BCL6: variants seen among roughly 807,000 people sequenced by gnomAD.
The protein encoded by BCL6 is BCL6 transcription repressor.
In BCL6, 7 loss-of-function variants were observed where a neutral mutation model predicts 59.5. The observed-to-expected ratio is 0.12, with a 90% confidence interval of 0.07 to 0.22. The LOEUF (loss-of-function observed/expected upper bound fraction) is 0.22. BCL6 is among the 10% of genes least tolerant of loss of function. The probability of loss-of-function intolerance (pLI) is 1.00; values close to 1 mark genes in which losing one functional copy is unlikely to be tolerated. For missense variants in BCL6, 685 were observed against 939.4 expected (o/e 0.73, Z 3.54); for synonymous variants, 339 against 349.7 (o/e 0.97, Z 0.34).
rs887351118 is a variant in BCL6, at chr3:187,725,363, G to A, written c.1839+136C>T. The A allele has an allele frequency of 1.5e-4, 219 of 1,493,458 alleles. No individual in the cohort carries two copies. The highest frequency in any genetic ancestry group is 2.7e-4 in the Admixed American group (13 of 48,626). The allele number at this position is 1,493,458 out of a possible 1,614,324, so 92.5% of individuals were successfully genotyped here. A position where few individuals can be genotyped will look rare whatever the true frequency, so the allele number is the denominator to read the frequency against. Reference sequence around the variant, plus strand: ...GACTGAGTGGGACTTTCTCCTGCCCGCTCTGCTCACCTGCCCGCTCCGCTT... The same window carrying A: ...GACTGAGTGGGACTTTCTCCTGCCCACTCTGCTCACCTGCCCGCTCCGCTT... On this transcript the variant is annotated intron_variant, in intron 8 of 9. Transcript: ENST00000406870. The surrounding 1 kb of genome is among the most constrained non-coding windows in gnomAD (Gnocchi z 4.7).
intron 1 of BCL6, among the ~76,000 whole-genome samples, chr3:187,742,908 T>G (rs992465698): frequency 6.6e-6 from 1 of 152,198 alleles, no homozygotes; most frequent in Non-Finnish European, 1.5e-5. Context: ...TAGGGCCAGA[T>G]GAACTTCAAC....
intron 4 of BCL6, 128 bp downstream of exon 4, chr3:187,731,581 C>T: frequency 1.1e-6 from 1 of 907,828 alleles, no homozygotes; most frequent in South Asian, 1.6e-5. Flanking sequence ...AAGTGTGCAA[C>T]AAGAGTGGAA....
At chr3:187,742,144 T>C (rs944291590) in intron 1 of BCL6, among the ~76,000 whole-genome samples, 11 of 152,234 alleles carry the variant, frequency 7.2e-5, no homozygotes, top group African/African-American at 2.7e-4. Context: ...ATAAGTTCAC[T>C]TCCCAATATT....
chr3:187,744,096 G>A (rs1711747706), intron 1 of BCL6, among the ~76,000 whole-genome samples: 1 of 152,094 alleles, frequency 6.6e-6, no homozygotes, highest in African/African-American at 2.4e-5. Flanking sequence ...CAGGCCCGCA[G>A]TTCCCTTTTT....
chr3:187,722,270 G>T lies in BCL6; in HGVS notation c.*188C>A. ...TTTCTTAATGTTTTATGGCAGTGGG[G>T]GAGGGGGAGCTGCTGCGGCTCCCAG... On this transcript the variant is annotated 3_prime_UTR_variant, in exon 10 of 10. Coordinates refer to ENST00000406870, the MANE Select transcript of BCL6 (RefSeq NM_001706.5). 1 of 580,222 alleles carries T rather than the reference G, an allele frequency of 1.7e-6. No homozygotes were observed. Among genetic ancestry groups the T allele is most frequent in the Non-Finnish European group, 2.8e-6 (1 of 360,566 alleles). The allele number at this position is 580,222 out of a possible 1,614,324, so 35.9% of individuals were successfully genotyped here.
Position 187,722,339 on chromosome 3 carries a change from A to C in BCL6, c.*119T>G. 2.3e-5 allele frequency: 6 copies of C among 258,560 alleles called. No individual in the cohort carries two copies. Among genetic ancestry groups the C allele is most frequent in the Non-Finnish European group, 3.0e-5 (5 of 168,212 alleles). 16.0% of individuals were successfully genotyped at this position (258,560 alleles called of 1,614,324 possible). On this transcript the variant is annotated 3_prime_UTR_variant, in exon 10 of 10. Transcript: ENST00000406870. ...CCACCACCCCCAACCCCCAGCTATGATTTGCACTAGTGGATGAAAGAGGCA... is the reference window on the plus strand; with the variant it reads ...CCACCACCCCCAACCCCCAGCTATGCTTTGCACTAGTGGATGAAAGAGGCA...
chr3:187,726,580 A>T, intron 7 of BCL6, 151 bp downstream of exon 7: 1 of 1,064,682 alleles, frequency 9.4e-7, no homozygotes, highest in Non-Finnish European at 1.3e-6. Flanking sequence ...AAGACAAGAC[A>T]GGGTTAGACC....
chr3:187,729,464 A>G lies in BCL6; in HGVS notation c.941T>C (p.Leu314Pro). The change falls in exon 5 of 10, where the codon CTG (leucine) becomes CCG (proline). Residue 314 changes from leucine (L) to proline (P), a missense_variant. Transcript: ENST00000406870. This position sits in a 1 kb window ranked among gnomAD's most constrained non-coding sequence, Gnocchi z 5.6. ...ERPSSEDEIA[L>P]HFEPPNAPLN... ...GGGTGCATTGGGGGGCTCGAAATGCAGGGCAATCTCATCTTCCGAGGAGGG... is the reference window on the plus strand; with the variant it reads ...GGGTGCATTGGGGGGCTCGAAATGCGGGGCAATCTCATCTTCCGAGGAGGG... 1 of 1,610,538 alleles carries G rather than the reference A, an allele frequency of 6.2e-7. No homozygotes were observed.
At chr3:187,744,416 A>G (rs1711777026) in intron 1 of BCL6, among the ~76,000 whole-genome samples, 1 of 152,120 alleles carries the variant, frequency 6.6e-6, no homozygotes, top group South Asian at 2.1e-4. Context: ...CTCGACTACA[A>G]CCAAGAAAGA....
In BCL6 at chr3:187,733,954, G is replaced by A. The variant is rs1275542554; in HGVS notation, c.-10-251C>T. 18 of 497,236 alleles carry A rather than the reference G, an allele frequency of 3.6e-5. No individual in the cohort carries two copies. The East Asian group carries it at 5.9e-4, about 16-fold the overall frequency. The allele number at this position is 497,236 out of a possible 1,614,324, so 30.8% of individuals were successfully genotyped here. A position where few individuals can be genotyped will look rare whatever the true frequency, so the allele number is the denominator to read the frequency against. ...GGAAAAGCAAAGGGAATGAATATTT[G>A]TTGAGTGTTTTTCCCACATACCAAA... On this transcript the variant is annotated intron_variant, in intron 2 of 9. Transcript: ENST00000406870.
intron 1 of BCL6, among the ~76,000 whole-genome samples, chr3:187,742,810 T>TA (rs1346159133): frequency 2.6e-5 from 4 of 152,142 alleles, no homozygotes; most frequent in African/African-American, 9.7e-5. Context: ...TCGTCTTTTT[T>TA]AAAAAAGTAT....
intron 1 of BCL6, among the ~76,000 whole-genome samples, chr3:187,744,108 C>T (rs555711795): frequency 2.0e-5 from 3 of 152,210 alleles, no homozygotes; most frequent in East Asian, 1.9e-4. Flanking sequence ...TCCCTTTTTA[C>T]AGAGCTTGCA....
chr3:187,738,766 A>G (rs1719407559), intron 1 of BCL6, among the ~76,000 whole-genome samples: 1 of 152,192 alleles, frequency 6.6e-6, no homozygotes, highest in Non-Finnish European at 1.5e-5. Flanking sequence ...GGCAAGCGGA[A>G]GGGTCAGAGT....
chr3:187,724,744 G>A, intron 9 of BCL6, 197 bp downstream of exon 9: 1 of 724,098 alleles, frequency 1.4e-6, no homozygotes, highest in Non-Finnish European at 2.2e-6. Context: ...TTGGGCCAAG[G>A]TCAAGCAGGG....
intron 1 of BCL6, chr3:187,737,979 A>T (rs1719370096): frequency 6.6e-6 from 1 of 151,566 alleles, no homozygotes; most frequent in Non-Finnish European, 1.5e-5. Context: ...CCGGGGATTC[A>T]CCCAGGGAGG....
intron 1 of BCL6, among the ~76,000 whole-genome samples, chr3:187,745,188 A>C (rs1354144180): frequency 6.6e-6 from 1 of 152,328 alleles, no homozygotes; most frequent in African/African-American, 2.4e-5. Flanking sequence ...AATCTTCGGC[A>C]TTTATTTTAA....
intron 3 of BCL6, chr3:187,732,309 A>C: frequency 5.0e-6 from 2 of 396,284 alleles, no homozygotes; most frequent in Non-Finnish European, 1.0e-5. Flanking sequence ...TACCTTTGTC[A>C]TAAGCATTCC....
intron 3 of BCL6, among the ~76,000 whole-genome samples, chr3:187,733,119 G>T (rs1470594277): frequency 1.3e-5 from 2 of 152,198 alleles, no homozygotes; most frequent in Non-Finnish European, 1.5e-5. Flanking sequence ...TGGAAATTCA[G>T]TTGTAGCAAA....
Position 187,728,247 on chromosome 3 carries a change from A to G in BCL6, c.1540+113T>C, listed in dbSNP as rs139706880. 9,033 of 1,158,246 alleles carry G rather than the reference A, an allele frequency of 7.8e-3. 55 individuals carry two copies. The highest frequency in any genetic ancestry group is 8.4e-3 in the Non-Finnish European group (7,125 of 847,100). The allele number at this position is 1,158,246 out of a possible 1,614,324, so 71.7% of individuals were successfully genotyped here. On this transcript the variant is annotated intron_variant, in intron 6 of 9. Coordinates refer to ENST00000406870, the MANE Select transcript of BCL6 (RefSeq NM_001706.5). The stretch of plus-strand genomic sequence containing the variant: ...GACTTGGAGTGCCAGTGGACTTCCA[A>G]TTGAGGACTGCTCCAATCAGAGACA...
Sources: allele counts gnomAD v4.1 joint callset (sites outside exome capture counted in the v4.1 genomes callset), GRCh38; gene constraint gnomAD v4.1.1; non-coding constraint Gnocchi (gnomAD v3.1); transcripts MANE v1.5; gene names NCBI Gene and HGNC (gene_info 2026-07-23, HGNC 2026-07-21).